Variants in UNC5D observed in about 807,000 individuals in gnomAD.
UNC5D encodes unc-5 netrin receptor D, also known as netrin receptor UNC5D.
In UNC5D, 39 loss-of-function variants were observed where a neutral mutation model predicts 105.4. The ratio of observed to expected loss-of-function variants is 0.37; its 90% CI spans 0.29 to 0.48. The LOEUF is 0.48. Among genes scored for constraint, UNC5D ranks in the 20% least tolerant of loss-of-function variants. The probability of loss-of-function intolerance (pLI) is 0.98; values close to 1 mark genes in which losing one functional copy is unlikely to be tolerated. For missense variants in UNC5D, 991 were observed against 1,202.4 expected, an observed-to-expected ratio of 0.82 and a Z score of 2.60; for synonymous variants, 452 against 450.4, an observed-to-expected ratio of 1.00 and a Z score of -0.04.
chr8:35,363,774 A>T (rs1157008524), intron 1 of UNC5D, among the ~76,000 whole-genome samples: 1 of 152,176 alleles, frequency 6.6e-6, no homozygotes, highest in Non-Finnish European at 1.5e-5. Context: ...GTGCTTTAAG[A>T]ACACATAAAA....
chr8:35,627,654 C>T (rs371619147), intron 4 of UNC5D, among the ~76,000 whole-genome samples: 14 of 152,210 alleles, frequency 9.2e-5, no homozygotes, highest in Admixed American at 4.6e-4. Flanking sequence ...CTTGACTGGG[C>T]GCGGTGGCTC....
chr8:35,599,512 A>G (rs1310318887), intron 4 of UNC5D, among the ~76,000 whole-genome samples: 26 of 152,212 alleles, frequency 1.7e-4, no homozygotes, highest in Non-Finnish European at 5.9e-5. Flanking sequence ...AATAAATTTA[A>G]AAAACATGCT....
chr8:35,280,007 T>A (rs1400194355), intron 1 of UNC5D, among the ~76,000 whole-genome samples: 1 of 152,152 alleles, frequency 6.6e-6, no homozygotes. Context: ...CTTTCTTTCT[T>A]TTTTTTGAGA....
At chr8:35,392,107 C>CT in intron 1 of UNC5D, among the ~76,000 whole-genome samples, 1 of 152,322 alleles carries the variant, frequency 6.6e-6, no homozygotes, top group East Asian at 1.9e-4. Context: ...TTCAAGTTGT[C>CT]TGTAGGGCTA....
At chr8:35,711,392 C>T (rs1028596631) in intron 8 of UNC5D, among the ~76,000 whole-genome samples, 1 of 151,884 alleles carries the variant, frequency 6.6e-6, no homozygotes, top group Non-Finnish European at 1.5e-5. Flanking sequence ...GTTGCCCAGG[C>T]CCGTCTTGAA....
intron 1 of UNC5D, among the ~76,000 whole-genome samples, chr8:35,253,473 C>CTTTTTTTTT (rs58063448): frequency 9.0e-5 from 9 of 99,848 alleles, no homozygotes; most frequent in Admixed American, 1.3e-4. Flanking sequence ...ATTTTATTTC[C>CTTTTTTTTT]TTTTTTTTTT....
intron 4 of UNC5D, among the ~76,000 whole-genome samples, chr8:35,602,472 T>G (rs1247104251): frequency 3.3e-5 from 5 of 152,210 alleles, no homozygotes; most frequent in Admixed American, 6.5e-5. Context: ...TGCCTCAATT[T>G]CAGAGCCTGT....
At chr8:35,715,704 C>T (rs1828216131) in intron 8 of UNC5D, among the ~76,000 whole-genome samples, 1 of 151,786 alleles carries the variant, frequency 6.6e-6, no homozygotes, top group African/African-American at 2.4e-5. Flanking sequence ...GGGGGCAAGG[C>T]CCAGCTGTGG....
chr8:35,635,871 C>T (rs528500884), intron 4 of UNC5D, among the ~76,000 whole-genome samples: 2 of 152,262 alleles, frequency 1.3e-5, no homozygotes, highest in African/African-American at 2.4e-5. Flanking sequence ...ATGTTTTCAG[C>T]CTTTCCTCTC....
chr8:35,544,372 CAG>C, intron 1 of UNC5D: 1 of 1,593,430 alleles, frequency 6.3e-7, no homozygotes, highest in African/African-American at 1.4e-5. Flanking sequence ...CCACAAATAA[CAG>C]AAAATCTATC....
At chr8:35,337,747 T>C (rs1811152600) in intron 1 of UNC5D, among the ~76,000 whole-genome samples, 1 of 151,502 alleles carries the variant, frequency 6.6e-6, no homozygotes, top group South Asian at 2.1e-4. Context: ...ACTCTATTTC[T>C]TTCTTTTTTC....
At chr8:35,291,806 T>G (rs1297645152) in intron 1 of UNC5D, among the ~76,000 whole-genome samples, 3 of 152,224 alleles carry the variant, frequency 2.0e-5, no homozygotes, top group Non-Finnish European at 4.4e-5. Flanking sequence ...AGTGCCACAT[T>G]TTTTGTAAAG....
At chr8:35,375,959 C>CAGA (rs1299948426) in intron 1 of UNC5D, among the ~76,000 whole-genome samples, 2 of 152,172 alleles carry the variant, frequency 1.3e-5, no homozygotes, top group Non-Finnish European at 2.9e-5. Context: ...TCCTGAATCT[C>CAGA]AGAAGAAATT....
chr8:35,455,608 G>T (rs934965598), intron 1 of UNC5D, among the ~76,000 whole-genome samples: 2 of 151,370 alleles, frequency 1.3e-5, no homozygotes, highest in South Asian at 4.2e-4. Flanking sequence ...CTAATATCTT[G>T]TTGTATTCAT....
intron 3 of UNC5D, among the ~76,000 whole-genome samples, chr8:35,583,058 ATGAACAGCACAGGC>A (rs1282063187): frequency 6.6e-6 from 1 of 152,190 alleles, no homozygotes; most frequent in Non-Finnish European, 1.5e-5. Flanking sequence ...TGACAACAGG[ATGAACAGCACAGGC>A]TGGGTGCAGT....
At chr8:35,669,397 C>A (rs1330147215) in intron 4 of UNC5D, among the ~76,000 whole-genome samples, 2 of 152,064 alleles carry the variant, frequency 1.3e-5, no homozygotes, top group Non-Finnish European at 2.9e-5. Context: ...GCAATAATGA[C>A]CTTTTTACCT....
At chr8:35,579,760 G>C (rs954612037) in intron 3 of UNC5D, among the ~76,000 whole-genome samples, 4 of 152,186 alleles carry the variant, frequency 2.6e-5, no homozygotes, top group Non-Finnish European at 4.4e-5. Context: ...TCTCTGCTAA[G>C]TGTTTAGATT....
chr8:35,645,918 T>TAC (rs148598526), intron 4 of UNC5D, among the ~76,000 whole-genome samples: 5,265 of 150,318 alleles, frequency 0.035, 275 homozygotes, highest in African/African-American at 0.12. Context: ...TCCTTTAGAT[T>TAC]ACACACACAC....
At chr8:35,788,071 A>G (rs1802831082) in intron 16 of UNC5D, among the ~76,000 whole-genome samples, 1 of 152,212 alleles carries the variant, frequency 6.6e-6, no homozygotes, top group South Asian at 2.1e-4. Flanking sequence ...CTATTTCACA[A>G]TTAAAGATGT....
Sources: allele counts gnomAD v4.1 joint callset (sites outside exome capture counted in the v4.1 genomes callset), GRCh38; gene constraint gnomAD v4.1.1; transcripts MANE v1.5; gene names NCBI Gene and HGNC (gene_info 2026-07-23, HGNC 2026-07-21).